The following KALRN variants were observed in gnomAD, a reference collection of about 807,000 sequenced individuals.
KALRN encodes the protein kalirin RhoGEF kinase, also known as kalirin.
A neutral mutation model predicts 353.7 loss-of-function variants in KALRN; 70 were observed. That is an observed-to-expected ratio of 0.20 (90% confidence interval 0.16 to 0.24). The LOEUF (loss-of-function observed/expected upper bound fraction) is 0.24, where lower values mean the gene tolerates loss of function less well. Ranked by LOEUF, KALRN falls within the 10% of genes least tolerant of loss-of-function variation. The pLI is 1.00. For missense variants in KALRN, 2,791 were observed against 3,756.7 expected (o/e 0.74, Z 6.72); for synonymous variants, 1,391 against 1,434.8 (o/e 0.97, Z 0.69).
rs2092378302 is a variant in KALRN at position 124,414,366 on chromosome 3, C to G, written c.2542+701C>G. Among the ~76,000 whole-genome samples the G allele has an allele frequency of 3.3e-5, 5 of 152,310 alleles. No homozygotes were observed. In the South Asian group the frequency reaches 1.0e-3, roughly 32 times the overall value. ...GATCCCTGCTGCCAGCACGCATTCT[C>G]CAGCCCTATCCTCTACTCCTAAGCT... On this transcript the variant is annotated intron_variant, in intron 14 of 59. Coordinates refer to ENST00000682506, the MANE Select transcript of KALRN (RefSeq NM_001388419.1).
At chr3:124,678,141 C>A (rs371675534) in intron 49 of KALRN, 49 bp from the exon 50 acceptor site, 10 of 1,603,326 alleles carry the variant, frequency 6.2e-6, no homozygotes, top group Non-Finnish European at 8.5e-6. Flanking sequence ...CCCTCCACAT[C>A]GCTGTCCCTG....
chr3:124,348,459 C>A (rs146814478), intron 10 of KALRN, among the ~76,000 whole-genome samples: 86 of 152,270 alleles, frequency 5.6e-4, no homozygotes, highest in African/African-American at 2.0e-3. Flanking sequence ...CAAGCATATG[C>A]TGAAAAATGA....
chr3:124,434,753 A>G (rs1175859175), intron 17 of KALRN, among the ~76,000 whole-genome samples: 1 of 152,222 alleles, frequency 6.6e-6, no homozygotes, highest in East Asian at 1.9e-4. Context: ...CACCAGATCT[A>G]TAGGGAGGTG....
chr3:124,708,011 GGT>G (rs1329550727), intron 57 of KALRN, among the ~76,000 whole-genome samples: 1 of 152,164 alleles, frequency 6.6e-6, no homozygotes, highest in Non-Finnish European at 1.5e-5. Context: ...ATCTTTGTGT[GGT>G]GCTCACAAGG....
chr3:124,188,756 T>A (rs916445706), intron 1 of KALRN, among the ~76,000 whole-genome samples: 1 of 152,204 alleles, frequency 6.6e-6, no homozygotes, highest in Non-Finnish European at 1.5e-5. Flanking sequence ...TCATGGATGC[T>A]GGCAGAAGTT....
At chr3:124,510,672 G>A (rs192071364) in intron 33 of KALRN, among the ~76,000 whole-genome samples, 48 of 152,082 alleles carry the variant, frequency 3.2e-4, no homozygotes, top group African/African-American at 8.4e-4. Flanking sequence ...TGTAGCTGCC[G>A]TCAGTGTATC....
At chr3:124,382,999 T>A (rs1441204384) in intron 10 of KALRN, among the ~76,000 whole-genome samples, 1 of 152,220 alleles carries the variant, frequency 6.6e-6, no homozygotes, top group Non-Finnish European at 1.5e-5. Flanking sequence ...GCTGCTGTTT[T>A]TCCATGAATT....
intron 34 of KALRN, among the ~76,000 whole-genome samples, chr3:124,567,276 A>G (rs995598232): frequency 6.6e-6 from 1 of 152,198 alleles, no homozygotes. Flanking sequence ...ACTCAGGCTC[A>G]GGAAAGCAAG....
intron 25 of KALRN, among the ~76,000 whole-genome samples, chr3:124,472,234 A>G (rs902870798): frequency 4.6e-5 from 7 of 152,184 alleles, no homozygotes; most frequent in African/African-American, 1.7e-4. Context: ...ACTTCAAATT[A>G]AAGTGACCAG....
At chr3:124,443,407 AG>A (rs1419508008) in intron 19 of KALRN, among the ~76,000 whole-genome samples, 1 of 152,202 alleles carries the variant, frequency 6.6e-6, no homozygotes, top group African/African-American at 2.4e-5. Context: ...GCTTAAGAAG[AG>A]CTTCCCTCTT....
chr3:124,635,756 T>C (rs2149877153), intron 36 of KALRN, among the ~76,000 whole-genome samples: 1 of 152,324 alleles, frequency 6.6e-6, no homozygotes, highest in East Asian at 1.9e-4. Context: ...ATATGTTGTG[T>C]CCAATGTTTT....
At chr3:124,135,077 G>A (rs760730433) in intron 1 of KALRN, among the ~76,000 whole-genome samples, 7 of 152,118 alleles carry the variant, frequency 4.6e-5, no homozygotes, top group Non-Finnish European at 8.8e-5. Flanking sequence ...ACTTGCACAC[G>A]CATGGTTATA....
chr3:124,517,379 C>T (rs2066731499), intron 33 of KALRN, among the ~76,000 whole-genome samples: 1 of 152,136 alleles, frequency 6.6e-6, no homozygotes, highest in Non-Finnish European at 1.5e-5. Flanking sequence ...GAGTTTCAGA[C>T]TGTTTTTCTC....
chr3:124,483,962 C>A (rs1328742134), intron 28 of KALRN, among the ~76,000 whole-genome samples: 1 of 152,080 alleles, frequency 6.6e-6, no homozygotes, highest in Non-Finnish European at 1.5e-5. Flanking sequence ...TATATTAATA[C>A]CTAAAGTTTA....
chr3:124,035,641 C>A (rs1048905670), intron 1 of KALRN, among the ~76,000 whole-genome samples: 2 of 152,188 alleles, frequency 1.3e-5, no homozygotes, highest in African/African-American at 2.4e-5. Flanking sequence ...TTGCTTATTT[C>A]TGATAATAAA....
chr3:124,465,617 ATACT>A (rs1236592720), intron 25 of KALRN, among the ~76,000 whole-genome samples: 5 of 152,202 alleles, frequency 3.3e-5, no homozygotes, highest in African/African-American at 9.7e-5. Flanking sequence ...AGTTGTCCTA[ATACT>A]TATTTATTCT....
chr3:124,381,430 G>A (rs2087360605), intron 10 of KALRN, among the ~76,000 whole-genome samples: 1 of 152,162 alleles, frequency 6.6e-6, no homozygotes, highest in Middle Eastern at 3.2e-3. Flanking sequence ...TACCCCAAAG[G>A]CAGTGGGAAG....
chr3:124,171,158 T>G (rs1237226988), intron 1 of KALRN, among the ~76,000 whole-genome samples: 1 of 152,116 alleles, frequency 6.6e-6, no homozygotes, highest in East Asian at 1.9e-4. Context: ...TCAGAAGTGA[T>G]GGAGTAATGC....
At chr3:124,155,321 A>T (rs2068823971) in intron 1 of KALRN, among the ~76,000 whole-genome samples, 1 of 152,200 alleles carries the variant, frequency 6.6e-6, no homozygotes, top group Non-Finnish European at 1.5e-5. Flanking sequence ...AGACTTGAAG[A>T]CATTTATTGA....
Sources: gnomAD v4.1 joint callset for allele counts (sites outside exome capture counted in the v4.1 genomes callset) on GRCh38, gnomAD v4.1.1 for gene constraint, MANE v1.5 for transcripts, NCBI Gene and HGNC (gene_info 2026-07-23, HGNC 2026-07-21) for gene names.